The following TXK variants were observed in gnomAD, a reference collection of about 807,000 sequenced individuals.
TXK encodes the protein tyrosine-protein kinase TXK.
Under a neutral mutation model 81.0 loss-of-function variants are expected in TXK, and 60 were observed. The ratio of observed to expected loss-of-function variants is 0.74; its 90% CI spans 0.60 to 0.92. TXK has a LOEUF of 0.92. Among genes scored for constraint, TXK ranks in the 40% least tolerant of loss-of-function variants. TXK has a pLI of 0.00. For missense variants in TXK, 581 were observed against 638.3 expected (o/e 0.91, Z 0.97); for synonymous variants, 203 against 210.7 (o/e 0.96, Z 0.32).
chr4:48,079,365 G>A (rs768700327), intron 11 of TXK, among the ~76,000 whole-genome samples: 1 of 152,170 alleles, frequency 6.6e-6, no homozygotes, highest in Non-Finnish European at 1.5e-5. Flanking sequence ...ATCAGTGCTT[G>A]AGATATTTTG....
intron 6 of TXK, among the ~76,000 whole-genome samples, chr4:48,097,626 C>A (rs112080495): frequency 6.6e-6 from 1 of 151,408 alleles, no homozygotes. Context: ...TTAGTAGAGG[C>A]AGGGTTTCAT....
intron 10 of TXK, among the ~76,000 whole-genome samples, chr4:48,085,517 T>TC (rs1306407287): frequency 1.3e-5 from 2 of 152,088 alleles, no homozygotes; most frequent in African/African-American, 4.8e-5. Context: ...AGCGGGCAGT[T>TC]CCCCAGCAAA....
At chr4:48,088,703 T>A (rs1044041272) in intron 9 of TXK, among the ~76,000 whole-genome samples, 3 of 152,236 alleles carry the variant, frequency 2.0e-5, no homozygotes, top group Non-Finnish European at 4.4e-5. Context: ...TTAAAAAGAA[T>A]CATGTTTAAC....
At chr4:48,095,046 A>T (rs1474549798) in intron 7 of TXK, 97 bp downstream of exon 7, 4 of 1,050,114 alleles carry the variant, frequency 3.8e-6, no homozygotes, top group Non-Finnish European at 5.8e-6. Flanking sequence ...CCAGGTCAAC[A>T]ATCTTTTCCC....
chr4:48,097,231 G>C (rs144481370), intron 6 of TXK, among the ~76,000 whole-genome samples: 1 of 151,994 alleles, frequency 6.6e-6, no homozygotes, highest in Non-Finnish European at 1.5e-5. Context: ...TAAGTCACAA[G>C]GAGAAAATTA....
At chr4:48,078,694 A>G (rs1196560457) in intron 11 of TXK, among the ~76,000 whole-genome samples, 1 of 152,244 alleles carries the variant, frequency 6.6e-6, no homozygotes, top group East Asian at 1.9e-4. Context: ...GAAAAAAATA[A>G]TTTAGCATTC....
chr4:48,093,364 G>T (rs1471943833), intron 8 of TXK, among the ~76,000 whole-genome samples: 1 of 152,236 alleles, frequency 6.6e-6, no homozygotes, highest in African/African-American at 2.4e-5. Flanking sequence ...GACATGAAAA[G>T]TTACCGTGGA....
At chr4:48,108,875 T>C (rs1323391750) in intron 5 of TXK, among the ~76,000 whole-genome samples, 1 of 152,124 alleles carries the variant, frequency 6.6e-6, no homozygotes, top group Non-Finnish European at 1.5e-5. Flanking sequence ...ATGAGCAAAT[T>C]AATGAATAAT....
intron 9 of TXK, among the ~76,000 whole-genome samples, chr4:48,088,588 G>A (rs1717629093): frequency 6.6e-6 from 1 of 152,204 alleles, no homozygotes; most frequent in Middle Eastern, 3.4e-3. Flanking sequence ...GTCCGATTCT[G>A]TTTATATAAC....
intron 6 of TXK, among the ~76,000 whole-genome samples, chr4:48,095,434 G>A (rs1717944969): frequency 1.3e-5 from 2 of 151,960 alleles, no homozygotes; most frequent in African/African-American, 4.8e-5. Context: ...ATTGTAATTG[G>A]GACATGCATT....
intron 7 of TXK, 144 bp from the exon 8 acceptor site, chr4:48,094,348 C>G (rs777207875): frequency 4.6e-6 from 4 of 862,042 alleles, no homozygotes; most frequent in Middle Eastern, 3.6e-4. Flanking sequence ...TCAACAAGTG[C>G]CCCCCCATGC....
chr4:48,096,138 T>C (rs1464696564), intron 6 of TXK, among the ~76,000 whole-genome samples: 1 of 152,208 alleles, frequency 6.6e-6, no homozygotes, highest in Admixed American at 6.5e-5. Context: ...TTCCAGATAT[T>C]CACCCAGATA....
rs1717934094 is a variant in TXK at position 48,095,150 on chromosome 4, C to T, written c.574G>A (p.Ala192Thr). Residue 192 changes from alanine to threonine, a missense_variant, in exon 7 of 15, where the codon GCT (alanine) becomes ACT (threonine). By Grantham distance (58) the Ala-to-Thr change is moderately conservative. Coordinates refer to ENST00000264316, the MANE Select transcript of TXK (RefSeq NM_003328.3). ...GSYTISVFMG[A>T]RRSTEAAIKH... ...AAAATCACAAGTGCTTACCTTCTAGCTCCCATAAATACGGAAATTGTGTAG... is the reference window on the plus strand; with the variant it reads ...AAAATCACAAGTGCTTACCTTCTAGTTCCCATAAATACGGAAATTGTGTAG... 1 of 1,612,572 alleles carries T rather than the reference C, an allele frequency of 6.2e-7. No individual in the cohort carries two copies. The highest frequency in any genetic ancestry group is 8.5e-7 in the Non-Finnish European group (1 of 1,178,720).
intron 6 of TXK, among the ~76,000 whole-genome samples, chr4:48,099,327 A>ACTCTTTGTACTCTTTG (rs1560352285): frequency 1.3e-5 from 2 of 152,188 alleles, no homozygotes; most frequent in Admixed American, 1.3e-4. Context: ...AAACTCTAAA[A>ACTCTTTGTACTCTTTG]TGCTCCTGAA....
chr4:48,093,382 T>G (rs1717853404), intron 8 of TXK, among the ~76,000 whole-genome samples: 1 of 152,252 alleles, frequency 6.6e-6, no homozygotes, highest in African/African-American at 2.4e-5. Flanking sequence ...GGATTCTGAA[T>G]TCTGCAATGC....
At chr4:48,091,904 G>C (rs1240368035) in intron 8 of TXK, among the ~76,000 whole-genome samples, 2 of 152,214 alleles carry the variant, frequency 1.3e-5, no homozygotes, top group Admixed American at 1.3e-4. Flanking sequence ...TACTGCAGTT[G>C]TCCAAGTGAG....
intron 4 of TXK, 68 bp from the exon 5 acceptor site, chr4:48,110,671 C>A (rs1718606055): frequency 8.8e-7 from 1 of 1,139,602 alleles, no homozygotes. Flanking sequence ...GGCAACAATC[C>A]TTTTAAAACC....
chr4:48,133,614 C>T (rs933331052), intron 1 of TXK, among the ~76,000 whole-genome samples: 2 of 152,116 alleles, frequency 1.3e-5, no homozygotes, highest in African/African-American at 4.8e-5. Context: ...TGAATAAATA[C>T]CCCTGTGAAA....
chr4:48,081,765 A>T lies in TXK; in HGVS notation c.957-1637T>A, dbSNP rs80311386. ...ACCTCAACACTTGATCACACCTAAT[A>T]AATAACAGGCTTCTCAAATCCAACA... is the stretch of plus-strand genomic sequence containing the variant. On this transcript the variant is annotated intron_variant, in intron 10 of 14. Transcript: ENST00000264316. 4.6e-3 allele frequency among the ~76,000 whole-genome samples: 697 copies of T among 152,208 alleles called. 7 individuals are homozygous for T. The highest frequency in any genetic ancestry group is 0.017 in the African/African-American group (689 of 41,522).
Sources: gnomAD v4.1 joint callset for allele counts (sites outside exome capture counted in the v4.1 genomes callset) on GRCh38, gnomAD v4.1.1 for gene constraint, MANE v1.5 for transcripts, NCBI Gene and HGNC (gene_info 2026-07-23, HGNC 2026-07-21) for gene names.